TAFA4: variants seen among roughly 807,000 people sequenced by gnomAD.
TAFA4 encodes the protein TAFA chemokine like family member 4, also known as chemokine-like protein TAFA-4.
TAFA4 carries 20 observed loss-of-function variants against 21.1 expected under a neutral mutation model. That is an observed-to-expected ratio of 0.95 (90% CI 0.67 to 1.38). TAFA4 has a LOEUF of 1.38. Ranked by LOEUF, TAFA4 falls within the 40% of genes most tolerant of loss-of-function variation. The pLI is 0.00. For synonymous variants in TAFA4, 71 were observed against 67.4 expected, an observed-to-expected ratio of 1.05 and a Z score of -0.26; for missense variants, 211 against 180.9, an observed-to-expected ratio of 1.17 and a Z score of -0.95.
intron 3 of TAFA4, among the ~76,000 whole-genome samples, chr3:68,761,373 A>G (rs924152118): frequency 2.6e-5 from 4 of 152,238 alleles, no homozygotes; most frequent in African/African-American, 9.6e-5. Context: ...AAGATCTTTC[A>G]TATTTTAGTG....
At chr3:68,915,242 G>C (rs1294044378) in intron 1 of TAFA4, among the ~76,000 whole-genome samples, 1 of 152,136 alleles carries the variant, frequency 6.6e-6, no homozygotes, top group Admixed American at 6.5e-5. Flanking sequence ...TGAGTTCTTA[G>C]GACAAGCTCT....
chr3:68,867,452 A>G (rs2089434208), intron 3 of TAFA4, among the ~76,000 whole-genome samples: 7 of 152,152 alleles, frequency 4.6e-5, no homozygotes, highest in Admixed American at 3.9e-4. Context: ...AATCTGAAAG[A>G]AAAAAACAGT....
intron 3 of TAFA4, among the ~76,000 whole-genome samples, chr3:68,776,388 A>C (rs535368944): frequency 6.6e-6 from 1 of 152,342 alleles, no homozygotes; most frequent in African/African-American, 2.4e-5. Context: ...TAGATAAAAC[A>C]CAGTTCCAAA....
intron 3 of TAFA4, among the ~76,000 whole-genome samples, chr3:68,767,470 A>G (rs1053855638): frequency 6.6e-6 from 1 of 152,164 alleles, no homozygotes; most frequent in East Asian, 1.9e-4. Flanking sequence ...AAACAGAAAA[A>G]CTATCCAAGA....
At chr3:68,768,604 T>TCCAAAAGAAATAAAATCATATG (rs1236858999) in intron 3 of TAFA4, among the ~76,000 whole-genome samples, 4 of 152,082 alleles carry the variant, frequency 2.6e-5, no homozygotes, top group African/African-American at 9.7e-5. Flanking sequence ...CTGGTATGTA[T>TCCAAAAGAAATAAAATCATATG]CCAAAAGAAA....
chr3:68,844,373 T>A (rs952918424), intron 3 of TAFA4, among the ~76,000 whole-genome samples: 1 of 152,174 alleles, frequency 6.6e-6, no homozygotes, highest in Non-Finnish European at 1.5e-5. Flanking sequence ...ATCCCCTTTA[T>A]CACTTTTTAT....
intron 3 of TAFA4, among the ~76,000 whole-genome samples, chr3:68,761,628 C>CT: frequency 6.6e-6 from 1 of 152,260 alleles, no homozygotes; most frequent in African/African-American, 2.4e-5. Flanking sequence ...GAGGCTTGGG[C>CT]TTTTACTCAA....
chr3:68,905,465 G>A (rs2089890449), intron 1 of TAFA4, among the ~76,000 whole-genome samples: 1 of 152,224 alleles, frequency 6.6e-6, no homozygotes, highest in East Asian at 1.9e-4. Flanking sequence ...ACTGCGCCCG[G>A]CCGGTCTCTG....
At chr3:68,760,523 C>T (rs1160685702) in intron 3 of TAFA4, among the ~76,000 whole-genome samples, 1 of 152,130 alleles carries the variant, frequency 6.6e-6, no homozygotes. Context: ...CTCCTCCTGC[C>T]CAGCACTAGA....
At chr3:68,804,864 A>C (rs1220581059) in intron 3 of TAFA4, among the ~76,000 whole-genome samples, 9 of 152,224 alleles carry the variant, frequency 5.9e-5, no homozygotes, top group Non-Finnish European at 1.2e-4. Flanking sequence ...AAGAAAACCT[A>C]GGCAATACCA....
At chr3:68,915,379 T>G (rs2089994286) in intron 1 of TAFA4, among the ~76,000 whole-genome samples, 1 of 152,232 alleles carries the variant, frequency 6.6e-6, no homozygotes, top group Non-Finnish European at 1.5e-5. Context: ...CCTTTTTTTC[T>G]GGAATTTTTA....
chr3:68,908,191 T>C (rs898027553), intron 1 of TAFA4, among the ~76,000 whole-genome samples: 1 of 152,176 alleles, frequency 6.6e-6, no homozygotes, highest in Non-Finnish European at 1.5e-5. Flanking sequence ...ATTAACCATA[T>C]CTACATCAAT....
intron 3 of TAFA4, among the ~76,000 whole-genome samples, chr3:68,838,694 C>T (rs1267268230): frequency 5.3e-5 from 8 of 152,154 alleles, no homozygotes; most frequent in Admixed American, 5.2e-4. Context: ...AATCATTCTT[C>T]ATTCTCAGTT....
At chr3:68,841,498 A>G (rs896266291) in intron 3 of TAFA4, among the ~76,000 whole-genome samples, 2 of 152,008 alleles carry the variant, frequency 1.3e-5, no homozygotes, top group Non-Finnish European at 2.9e-5. Context: ...CACCCTACAC[A>G]ATTCATACAC....
chr3:68,907,307 T>C (rs528458523), intron 1 of TAFA4, among the ~76,000 whole-genome samples: 38 of 152,302 alleles, frequency 2.5e-4, no homozygotes, highest in African/African-American at 7.5e-4. Context: ...CTCAGTAGAA[T>C]AGCTTTGTTT....
At chr3:68,918,154 C>CACACACAA (rs1553654502) in intron 1 of TAFA4, among the ~76,000 whole-genome samples, 1 of 151,536 alleles carries the variant, frequency 6.6e-6, no homozygotes, top group African/African-American at 2.4e-5. Flanking sequence ...CACACACACA[C>CACACACAA]AAACACATTT....
At chr3:68,753,149 A>G (rs947465044) in intron 3 of TAFA4, 131 bp from the exon 4 acceptor site, 1 of 792,816 alleles carries the variant, frequency 1.3e-6, no homozygotes, top group Non-Finnish European at 1.9e-6. Flanking sequence ...GTAACATTTT[A>G]TTTTGATAAC....
chr3:68,783,713 A>AG (rs1553641279), intron 3 of TAFA4, among the ~76,000 whole-genome samples: 1 of 80,802 alleles, frequency 1.2e-5, no homozygotes, highest in Admixed American at 1.3e-4. Flanking sequence ...GAGAGAAAGA[A>AG]AAAGAAAGAA....
chr3:68,807,399 C>A (rs1703724499), intron 3 of TAFA4, among the ~76,000 whole-genome samples: 1 of 152,108 alleles, frequency 6.6e-6, no homozygotes, highest in East Asian at 1.9e-4. Context: ...TGATGAAGAA[C>A]AATAATTCCC....
Sources: gnomAD v4.1 joint callset for allele counts (sites outside exome capture counted in the v4.1 genomes callset) on GRCh38, gnomAD v4.1.1 for gene constraint, MANE v1.5 for transcripts, NCBI Gene and HGNC (gene_info 2026-07-23, HGNC 2026-07-21) for gene names.